The following ZNF680 variants were observed in gnomAD, a reference collection of about 807,000 sequenced individuals.
ZNF680 encodes the protein zinc finger protein 680.
A neutral mutation model predicts 12.1 loss-of-function variants in ZNF680; 6 were observed. The observed-to-expected ratio is 0.49, with a 90% CI of 0.27 to 0.98. ZNF680 has a LOEUF of 0.98. Ranked by LOEUF, ZNF680 falls within the 50% of genes least tolerant of loss-of-function variation. The pLI, the probability that ZNF680 is intolerant of heterozygous loss-of-function variation, is 0.12. For synonymous variants in ZNF680, 170 were observed against 199.3 expected (o/e 0.85, Z 1.24); for missense variants, 561 against 616.3 (o/e 0.91, Z 0.95).
chr7:64,533,968 G>C (rs1007884505), intron 3 of ZNF680, among the ~76,000 whole-genome samples: 3 of 152,068 alleles, frequency 2.0e-5, no homozygotes, highest in Admixed American at 2.0e-4. Flanking sequence ...CCACATGTAG[G>C]AGAATAAAAC....
intron 3 of ZNF680, among the ~76,000 whole-genome samples, chr7:64,528,304 C>A (rs969862959): frequency 1.3e-4 from 20 of 152,154 alleles, no homozygotes; most frequent in African/African-American, 4.8e-4. Flanking sequence ...GCCTCCGGGC[C>A]AGAACTCGGC....
intron 1 of ZNF680, among the ~76,000 whole-genome samples, chr7:64,558,654 G>C (rs1787552441): frequency 6.6e-6 from 1 of 152,058 alleles, no homozygotes. Flanking sequence ...AGTTGTTACT[G>C]TTTTGAGGCA....
intron 3 of ZNF680, among the ~76,000 whole-genome samples, chr7:64,539,119 A>T (rs2116466146): frequency 7.5e-6 from 1 of 134,062 alleles, no homozygotes; most frequent in Admixed American, 7.5e-5. Flanking sequence ...AGGCAGAGCA[A>T]GACTCCATCT....
chr7:64,509,975 CCCT>C, the ZNF680 span, among the ~76,000 whole-genome samples: 2 of 150,914 alleles, frequency 1.3e-5, no homozygotes, highest in African/African-American at 4.9e-5. Flanking sequence ...GTCTATACTC[CCCT>C]CAAGTGTATT....
chr7:64,539,311 ACTGCGCTCCAGC>A (rs1016223119), intron 3 of ZNF680, among the ~76,000 whole-genome samples: 9 of 137,022 alleles, frequency 6.6e-5, no homozygotes, highest in African/African-American at 2.2e-4. Context: ...AGATGGCACC[ACTGCGCTCCAGC>A]CTGGGCAACA....
chr7:64,557,450 G>A (rs1787479339), intron 1 of ZNF680, among the ~76,000 whole-genome samples: 1 of 151,780 alleles, frequency 6.6e-6, no homozygotes. Context: ...AGCTACTCAG[G>A]AGGCTGAGGC....
the ZNF680 span, among the ~76,000 whole-genome samples, chr7:64,501,911 CTAG>C: frequency 6.6e-6 from 1 of 151,768 alleles, no homozygotes; most frequent in Non-Finnish European, 1.5e-5. Context: ...TTTGACACTC[CTAG>C]TAGTTTTGTT....
chr7:64,526,365 A>T, intron 3 of ZNF680: 1 of 1,296,316 alleles, frequency 7.7e-7, no homozygotes, highest in South Asian at 2.6e-5. Flanking sequence ...CAGTGTTATG[A>T]TTCATTATGA....
At chr7:64,500,536 G>A in the ZNF680 span, among the ~76,000 whole-genome samples, 8 of 152,164 alleles carry the variant, frequency 5.3e-5, no homozygotes, top group Admixed American at 5.2e-4. Flanking sequence ...AGACGGCACA[G>A]AAAAAAACTT....
the ZNF680 span, chr7:64,501,865 T>G: frequency 1.9e-6 from 1 of 523,616 alleles, no homozygotes; most frequent in Non-Finnish European, 3.6e-6. Context: ...CCATGTTAAT[T>G]CATATTGCCC....
chr7:64,517,142 A>G (rs1791372272), downstream of ZNF680, among the ~76,000 whole-genome samples: 1 of 152,144 alleles, frequency 6.6e-6, no homozygotes, highest in African/African-American at 2.4e-5. Flanking sequence ...TAAAAAGAAA[A>G]AAAGACAAAT....
chr7:64,535,454 G>A (rs976439729), intron 3 of ZNF680, among the ~76,000 whole-genome samples: 6 of 142,522 alleles, frequency 4.2e-5, no homozygotes, highest in East Asian at 3.9e-4. Context: ...GAGACAGAGA[G>A]AGAGAAAGAG....
At chr7:64,535,699 T>C (rs150721161) in intron 3 of ZNF680, among the ~76,000 whole-genome samples, 2,390 of 152,104 alleles carry the variant, frequency 0.016, 49 homozygotes, top group African/African-American at 0.055. Flanking sequence ...ATCCCAGCAC[T>C]TTGGGAGTCC....
chr7:64,554,797 G>C (rs867533599), intron 1 of ZNF680, among the ~76,000 whole-genome samples: 6 of 152,048 alleles, frequency 3.9e-5, no homozygotes, highest in South Asian at 4.2e-4. Context: ...CGGCATACTC[G>C]TTAAGAGTCA....
chr7:64,525,678 T>C (rs1791800561), intron 3 of ZNF680: 2 of 640,054 alleles, frequency 3.1e-6, no homozygotes, highest in South Asian at 7.0e-5. Flanking sequence ...GTAAATGTTA[T>C]GTGTTTTTGA....
chr7:64,545,068 G>A (rs536230131), intron 1 of ZNF680, among the ~76,000 whole-genome samples: 25 of 152,042 alleles, frequency 1.6e-4, no homozygotes, highest in South Asian at 4.2e-4. Context: ...AAATCAGCCT[G>A]GCCAACATGG....
the ZNF680 span, among the ~76,000 whole-genome samples, chr7:64,501,993 A>C: frequency 1.0e-5 from 1 of 96,342 alleles, no homozygotes; most frequent in African/African-American, 4.5e-5. Flanking sequence ...AAAAGGACGT[A>C]TTTCTTTTTT....
intron 3 of ZNF680, among the ~76,000 whole-genome samples, chr7:64,539,152 C>G (rs1043331538): frequency 8.4e-6 from 1 of 119,652 alleles, no homozygotes; most frequent in Non-Finnish European, 1.8e-5. Context: ...AAAAAAAAAG[C>G]CAAAATGCTG....
chr7:64,560,764 A>T (rs1318360529), intron 1 of ZNF680, among the ~76,000 whole-genome samples: 1 of 151,792 alleles, frequency 6.6e-6, no homozygotes, highest in African/African-American at 2.4e-5. Context: ...GTGAGCCAAG[A>T]TCATGTGACT....
Sources: gnomAD v4.1 joint callset for allele counts (sites outside exome capture counted in the v4.1 genomes callset) on GRCh38, gnomAD v4.1.1 for gene constraint, MANE v1.5 for transcripts, NCBI Gene and HGNC (gene_info 2026-07-23, HGNC 2026-07-21) for gene names.